The following RBFOX1 variants were observed in gnomAD, a reference collection of about 807,000 sequenced individuals.
RBFOX1 encodes the protein RNA binding protein fox-1 homolog 1.
A neutral mutation model predicts 57.7 loss-of-function variants in RBFOX1; 8 were observed. That is an observed-to-expected ratio of 0.14 (90% confidence interval 0.08 to 0.25). The LOEUF (loss-of-function observed/expected upper bound fraction) is 0.25, where lower values mean the gene tolerates loss of function less well. Among genes scored for constraint, RBFOX1 ranks in the 10% least tolerant of loss-of-function variants. The probability of loss-of-function intolerance (pLI) is 1.00; values close to 1 mark genes in which losing one functional copy is unlikely to be tolerated. For missense variants in RBFOX1, 611 were observed against 548.5 expected (o/e 1.11, Z -1.14); for synonymous variants, 326 against 222.4 (o/e 1.47, Z -4.15).
At chr16:6,357,233 C>CTAGA (rs1261230427) in intron 2 of RBFOX1, among the ~76,000 whole-genome samples, 1 of 152,080 alleles carries the variant, frequency 6.6e-6, no homozygotes, top group African/African-American at 2.4e-5. Context: ...AGCCTTCGTG[C>CTAGA]TAGAGTCTGG....
intron 1 of RBFOX1, among the ~76,000 whole-genome samples, chr16:5,431,630 C>T (rs1476383577): frequency 1.3e-5 from 2 of 152,182 alleles, no homozygotes; most frequent in Non-Finnish European, 2.9e-5. Context: ...GCCTCAGCCT[C>T]CCAAAGTGCT....
rs140374425 is a variant in RBFOX1 at position 6,579,427 on chromosome 16, C to T, written c.-63-75176C>T. On this transcript the variant is annotated intron_variant, in intron 2 of 15. Transcript: ENST00000550418. ...CATCTTGAATTGTAGTTCCCATAAT[C>T]CCCATGTGTCATGGGAGGGACCTGG... Among the ~76,000 whole-genome samples, 57 of 152,142 alleles carry T rather than the reference C, an allele frequency of 3.7e-4. No homozygotes were observed. The East Asian group carries it at 0.01, about 28-fold the overall frequency.
chr16:6,891,508 C>G (rs118128166), intron 3 of RBFOX1, among the ~76,000 whole-genome samples: 2 of 151,944 alleles, frequency 1.3e-5, no homozygotes, highest in African/African-American at 4.8e-5. Context: ...GAAGATATAT[C>G]AGCTACATAA....
At chr16:5,303,466 C>A (rs2063854942) in intron 1 of RBFOX1, among the ~76,000 whole-genome samples, 1 of 152,216 alleles carries the variant, frequency 6.6e-6, no homozygotes, top group Non-Finnish European at 1.5e-5. Context: ...ACCTCTCTTT[C>A]CATCACAGCT....
intron 4 of RBFOX1, among the ~76,000 whole-genome samples, chr16:7,057,385 C>A (rs556992447): frequency 1.3e-3 from 191 of 152,316 alleles, no homozygotes; most frequent in Non-Finnish European, 1.5e-3. Flanking sequence ...GTATGTCTTG[C>A]TCATCTCCTG....
intron 3 of RBFOX1, among the ~76,000 whole-genome samples, chr16:5,663,611 C>A (rs892823168): frequency 6.6e-6 from 1 of 152,168 alleles, no homozygotes; most frequent in African/African-American, 2.4e-5. Context: ...TCATTCAAAG[C>A]TGGTTTATGT....
At chr16:5,624,518 G>T (rs573075615) in intron 3 of RBFOX1, among the ~76,000 whole-genome samples, 1 of 152,172 alleles carries the variant, frequency 6.6e-6, no homozygotes, top group East Asian at 1.9e-4. Flanking sequence ...TTTAAAGCTC[G>T]TACCCAGGTG....
At chr16:5,786,483 G>A (rs760968893) in intron 3 of RBFOX1, among the ~76,000 whole-genome samples, 3 of 152,164 alleles carry the variant, frequency 2.0e-5, no homozygotes, top group Non-Finnish European at 4.4e-5. Context: ...ACGAAGGCCA[G>A]GATAAGGAGA....
At chr16:6,778,425 G>T (rs2079759999) in intron 3 of RBFOX1, among the ~76,000 whole-genome samples, 1 of 152,010 alleles carries the variant, frequency 6.6e-6, no homozygotes, top group Non-Finnish European at 1.5e-5. Flanking sequence ...TAAAGCCAAG[G>T]CCAGACATCA....
chr16:5,870,452 G>T (rs2151902112), intron 4 of RBFOX1, among the ~76,000 whole-genome samples: 1 of 151,888 alleles, frequency 6.6e-6, no homozygotes, highest in African/African-American at 2.4e-5. Context: ...AGGATGATGG[G>T]GTGGGGGAAT....
intron 4 of RBFOX1, among the ~76,000 whole-genome samples, chr16:5,902,952 A>G (rs2058342765): frequency 6.6e-6 from 1 of 152,076 alleles, no homozygotes; most frequent in Non-Finnish European, 1.5e-5. Flanking sequence ...TGTCTCTACT[A>G]CAGTTCTTAT....
At chr16:7,475,714 G>A (rs940166590) in intron 4 of RBFOX1, among the ~76,000 whole-genome samples, 2 of 152,118 alleles carry the variant, frequency 1.3e-5, no homozygotes, top group African/African-American at 4.8e-5. Context: ...GAATGGCCTC[G>A]GACAAGTTAT....
intron 4 of RBFOX1, among the ~76,000 whole-genome samples, chr16:7,419,993 C>G (rs1051410509): frequency 5.5e-5 from 8 of 144,596 alleles, no homozygotes; most frequent in African/African-American, 2.1e-4. Context: ...CCAGTTTGGG[C>G]AGAAACTGGG....
chr16:5,739,667 C>T (rs760926050), intron 3 of RBFOX1, among the ~76,000 whole-genome samples: 3 of 152,186 alleles, frequency 2.0e-5, no homozygotes, highest in African/African-American at 4.8e-5. Context: ...ATTTTCTGTG[C>T]ACCCTAAGCT....
intron 4 of RBFOX1, among the ~76,000 whole-genome samples, chr16:7,460,407 G>T (rs1215265951): frequency 1.5e-5 from 1 of 64,864 alleles, no homozygotes; most frequent in African/African-American, 5.3e-5. Flanking sequence ...GTGTGTGTGT[G>T]TGTGTGTGTG....
intron 3 of RBFOX1, among the ~76,000 whole-genome samples, chr16:5,643,817 A>T (rs1367076184): frequency 6.6e-6 from 1 of 152,208 alleles, no homozygotes; most frequent in Non-Finnish European, 1.5e-5. Flanking sequence ...AAGCTAAGCC[A>T]ATAATGTGCC....
chr16:6,914,714 T>C (rs28525258), intron 3 of RBFOX1, among the ~76,000 whole-genome samples: 1,653 of 152,146 alleles, frequency 0.011, 35 homozygotes, highest in African/African-American at 0.038. Context: ...TCTGTACCAA[T>C]AAGCTGAAAA....
At chr16:6,101,443 G>C (rs1039896862) in intron 1 of RBFOX1, among the ~76,000 whole-genome samples, 1 of 152,100 alleles carries the variant, frequency 6.6e-6, no homozygotes, top group African/African-American at 2.4e-5. Context: ...ATTTGGGTGT[G>C]ATGGTTTTGT....
intron 3 of RBFOX1, among the ~76,000 whole-genome samples, chr16:6,786,374 A>T (rs1471256827): frequency 6.6e-6 from 1 of 152,200 alleles, no homozygotes; most frequent in Non-Finnish European, 1.5e-5. Context: ...TGTCCCAGAC[A>T]GCATTATTCT....
Sources: gnomAD v4.1 joint callset for allele counts (sites outside exome capture counted in the v4.1 genomes callset) on GRCh38, gnomAD v4.1.1 for gene constraint, MANE v1.5 for transcripts, NCBI Gene and HGNC (gene_info 2026-07-23, HGNC 2026-07-21) for gene names.